The following FOLH1 variants were observed in gnomAD, a reference collection of about 807,000 sequenced individuals.
FOLH1 encodes folate hydrolase 1.
A neutral mutation model predicts 93.9 loss-of-function variants in FOLH1; 54 were observed. The ratio of observed to expected loss-of-function variants is 0.57; its 90% confidence interval spans 0.46 to 0.72. FOLH1 has a LOEUF of 0.72. FOLH1 is among the 30% of genes least tolerant of loss of function. FOLH1 has a pLI of 0.00. For missense variants in FOLH1, 571 were observed against 892.5 expected, an observed-to-expected ratio of 0.64 and a Z score of 4.59; for synonymous variants, 249 against 303.6, an observed-to-expected ratio of 0.82 and a Z score of 1.87.
chr11:49,200,496 C>T, intron 2 of FOLH1, 55 bp from the exon 3 acceptor site: 2 of 1,578,716 alleles, frequency 1.3e-6, no homozygotes, highest in Non-Finnish European at 1.7e-6. Context: ...AACTTTTATT[C>T]CAAATCAACA....
Position 49,145,219 on chromosome 11 carries a change from G to A in FOLH1, c.*1537C>T, listed in dbSNP as rs1433410909. On this transcript the variant is annotated 3_prime_UTR_variant, in exon 19 of 19. Coordinates refer to ENST00000256999, the MANE Select transcript of FOLH1 (RefSeq NM_004476.3). ...CCATTAAATAGTTCTTCTTTGTCAC[G>A]TGTTAATGATGTTAAACTTTGTGAG... Among the ~76,000 whole-genome samples, 3 of 152,136 alleles carry A rather than the reference G, an allele frequency of 2.0e-5. No homozygotes were observed. The highest frequency in any genetic ancestry group is 7.2e-5 in the African/African-American group (3 of 41,448).
At chr11:49,206,422 T>C (rs2931138) in intron 1 of FOLH1, 1 of 703,470 alleles carries the variant, frequency 1.4e-6, no homozygotes, top group Non-Finnish European at 2.4e-6. Flanking sequence ...ATTGCTGTTA[T>C]TCTAAGAAAT....
chr11:49,192,691 T>G, intron 4 of FOLH1, 102 bp downstream of exon 4: 1 of 840,028 alleles, frequency 1.2e-6, no homozygotes, highest in Admixed American at 3.1e-5. Context: ...ATGAATTGGA[T>G]TACATTAAAA....
chr11:49,182,673 GA>G (rs1237748663), intron 7 of FOLH1, among the ~76,000 whole-genome samples: 1 of 152,284 alleles, frequency 6.6e-6, no homozygotes, highest in Non-Finnish European at 1.5e-5. Context: ...TTGAATAAAG[GA>G]AAAAGGGAGG....
chr11:49,193,692 G>A (rs1171417343), intron 3 of FOLH1, among the ~76,000 whole-genome samples: 1 of 151,954 alleles, frequency 6.6e-6, no homozygotes, highest in African/African-American at 2.4e-5. Context: ...GGAATATTCA[G>A]AAGCAAAAAA....
intron 8 of FOLH1, among the ~76,000 whole-genome samples, 158 bp downstream of exon 8, chr11:49,175,701 A>T (rs369609872): frequency 6.6e-6 from 1 of 152,152 alleles, no homozygotes; most frequent in Non-Finnish European, 1.5e-5. Context: ...TTGCTTAAAG[A>T]TTTCTAATTG....
chr11:49,165,938 C>G (rs532769371), intron 12 of FOLH1, among the ~76,000 whole-genome samples: 2 of 152,290 alleles, frequency 1.3e-5, no homozygotes, highest in East Asian at 3.9e-4. Context: ...GCATTTATTA[C>G]AATTTAATTG....
intron 2 of FOLH1, among the ~76,000 whole-genome samples, chr11:49,200,751 A>G (rs1863177696): frequency 6.6e-6 from 1 of 152,184 alleles, no homozygotes; most frequent in Non-Finnish European, 1.5e-5. Flanking sequence ...TGGAACTTAC[A>G]TGGAATTATC....
At chr11:49,198,585 T>C (rs1342832632) in intron 3 of FOLH1, among the ~76,000 whole-genome samples, 1 of 152,172 alleles carries the variant, frequency 6.6e-6, no homozygotes, top group Non-Finnish European at 1.5e-5. Flanking sequence ...CGTTTAAGCA[T>C]ATGTATACAT....
At chr11:49,194,132 C>CAAAAAAAAAAAAAAA (rs55656827) in intron 3 of FOLH1, among the ~76,000 whole-genome samples, 1 of 71,578 alleles carries the variant, frequency 1.4e-5, no homozygotes, top group African/African-American at 5.3e-5. Flanking sequence ...GCCTGGGTGA[C>CAAAAAAAAAAAAAAA]AAAAAAAAAA....
chr11:49,158,128 T>G, intron 13 of FOLH1, 85 bp from the exon 14 acceptor site: 1 of 1,306,424 alleles, frequency 7.7e-7, no homozygotes, highest in East Asian at 2.5e-5. Flanking sequence ...AGTGAGTAAC[T>G]AAGCCACAAT....
intron 13 of FOLH1, among the ~76,000 whole-genome samples, chr11:49,160,739 G>T (rs1469687649): frequency 1.3e-5 from 2 of 152,104 alleles, no homozygotes; most frequent in Non-Finnish European, 2.9e-5. Flanking sequence ...ACCACACCTG[G>T]CCAGATATTT....
intron 4 of FOLH1, among the ~76,000 whole-genome samples, chr11:49,190,715 T>G (rs1861936773): frequency 6.6e-6 from 1 of 152,328 alleles, no homozygotes; most frequent in East Asian, 1.9e-4. Context: ...AGACTATATT[T>G]TATGAACATC....
intron 13 of FOLH1, 108 bp downstream of exon 13, chr11:49,164,597 T>C (rs1858133152): frequency 6.9e-6 from 5 of 721,804 alleles, no homozygotes; most frequent in African/African-American, 1.8e-5. Context: ...ATATGTTATA[T>C]GAAATGAAGA....
chr11:49,181,537 C>A (rs1860739776), intron 7 of FOLH1, among the ~76,000 whole-genome samples: 1 of 151,984 alleles, frequency 6.6e-6, no homozygotes, highest in Non-Finnish European at 1.5e-5. Context: ...CATATAATAT[C>A]TTTTAATCAC....
chr11:49,153,586 G>A (rs1017683903), intron 17 of FOLH1, among the ~76,000 whole-genome samples: 2 of 152,118 alleles, frequency 1.3e-5, no homozygotes, highest in Admixed American at 1.3e-4. Flanking sequence ...TCGAAAGTAG[G>A]TCTTTTGAGA....
intron 2 of FOLH1, among the ~76,000 whole-genome samples, chr11:49,204,977 G>A (rs1356530657): frequency 2.0e-5 from 3 of 152,028 alleles, no homozygotes; most frequent in Admixed American, 1.3e-4. Context: ...TTGGGAAGCC[G>A]AGGCGGGCAG....
chr11:49,166,198 G>C (rs1441683595), intron 12 of FOLH1, among the ~76,000 whole-genome samples: 2 of 152,126 alleles, frequency 1.3e-5, no homozygotes, highest in Non-Finnish European at 2.9e-5. Context: ...ATGTGTTGCT[G>C]AATGAAAAAG....
intron 7 of FOLH1, among the ~76,000 whole-genome samples, chr11:49,177,997 C>CA (rs1860294224): frequency 1.3e-5 from 2 of 151,620 alleles, no homozygotes; most frequent in Admixed American, 6.6e-5. Flanking sequence ...AAAAGGCTAC[C>CA]TGGGGGCCAG....
Sources: allele counts gnomAD v4.1 joint callset (sites outside exome capture counted in the v4.1 genomes callset), GRCh38; gene constraint gnomAD v4.1.1; transcripts MANE v1.5; gene names NCBI Gene and HGNC (gene_info 2026-07-23, HGNC 2026-07-21).